The following TRPC6 variants were observed in gnomAD, a reference collection of about 807,000 sequenced individuals.
The protein encoded by TRPC6 is short transient receptor potential channel 6.
TRPC6 carries 55 observed loss-of-function variants against 90.7 expected under a neutral mutation model. The observed-to-expected ratio is 0.61, with a 90% CI of 0.49 to 0.76. TRPC6 has a LOEUF of 0.76. Among genes scored for constraint, TRPC6 ranks in the 30% least tolerant of loss-of-function variants. The pLI is 0.00. For synonymous variants in TRPC6, 393 were observed against 393.0 expected (o/e 1.00, Z 0.00); for missense variants, 989 against 1,122.7 (o/e 0.88, Z 1.70).
intron 4 of TRPC6, among the ~76,000 whole-genome samples, chr11:101,488,119 C>T (rs1859719323): frequency 6.6e-6 from 1 of 152,204 alleles, no homozygotes; most frequent in Non-Finnish European, 1.5e-5. Flanking sequence ...AGGCACTAAG[C>T]TTCAGAATTA....
intron 1 of TRPC6, among the ~76,000 whole-genome samples, chr11:101,555,359 T>C (rs1433273383): frequency 6.6e-6 from 1 of 152,170 alleles, no homozygotes; most frequent in Non-Finnish European, 1.5e-5. Flanking sequence ...GCAATGGACT[T>C]CTATTATTTA....
chr11:101,567,800 CA>C (rs1025235571), intron 1 of TRPC6, among the ~76,000 whole-genome samples: 1 of 152,200 alleles, frequency 6.6e-6, no homozygotes. Flanking sequence ...GTAAAACTAA[CA>C]AACAGAAAGG....
chr11:101,489,864 G>A lies in TRPC6; in HGVS notation c.1129-763C>T, dbSNP rs534289738. 2.6e-5 allele frequency among the ~76,000 whole-genome samples: 4 copies of A among 152,238 alleles called. No individual in the cohort carries two copies. In the South Asian group the frequency reaches 8.3e-4, roughly 32 times the overall value. ...GTGGTTAACCTCAAAGGTAGTTTGA[G>A]AGATAGGTAGAAAAGGAGTTGAGTC... On this transcript the variant is annotated intron_variant, in intron 3 of 12. Transcript: ENST00000344327.
At chr11:101,497,509 C>T (rs10791481) in intron 2 of TRPC6, among the ~76,000 whole-genome samples, 71,122 of 151,712 alleles carry the variant, frequency 0.47, 17,132 homozygotes, top group African/African-American at 0.58. Context: ...AAAACAGACA[C>T]GGCGGGAGTT....
At chr11:101,567,038 G>A (rs1270024897) in intron 1 of TRPC6, among the ~76,000 whole-genome samples, 1 of 146,972 alleles carries the variant, frequency 6.8e-6, no homozygotes, top group Non-Finnish European at 1.5e-5. Flanking sequence ...TCACTCCCCT[G>A]GAAAGGGGGC....
At chr11:101,546,050 C>CTTTTTTTTTTTTTTTATTTTTTTTTT (rs1861296144) in intron 1 of TRPC6, among the ~76,000 whole-genome samples, 1 of 29,694 alleles carries the variant, frequency 3.4e-5, no homozygotes, top group Non-Finnish European at 6.2e-5. Context: ...ATTTATAACT[C>CTTTTTTTTTTTTTTTATTTTTTTTTT]TTTTTTTTTT....
At chr11:101,466,193 C>A (rs1425097383) in intron 10 of TRPC6, among the ~76,000 whole-genome samples, 2 of 152,180 alleles carry the variant, frequency 1.3e-5, no homozygotes, top group Non-Finnish European at 2.9e-5. Context: ...GTCAGGGACC[C>A]ACTTGAAGAG....
intron 1 of TRPC6, among the ~76,000 whole-genome samples, chr11:101,562,180 T>C (rs1040734641): frequency 2.6e-5 from 4 of 152,028 alleles, no homozygotes; most frequent in Non-Finnish European, 4.4e-5. Context: ...TGGATAAACC[T>C]GGTCATAAAA....
At chr11:101,472,070 G>T in intron 8 of TRPC6, 67 bp downstream of exon 8, 2 of 1,466,722 alleles carry the variant, frequency 1.4e-6, no homozygotes, top group Non-Finnish European at 1.9e-6. Flanking sequence ...CATCCCCATT[G>T]CTGAGTTAGC....
chr11:101,513,304 C>G (rs980953435), intron 1 of TRPC6, among the ~76,000 whole-genome samples: 12 of 152,184 alleles, frequency 7.9e-5, no homozygotes, highest in African/African-American at 2.9e-4. Flanking sequence ...TGGTGCTATT[C>G]CACAGTCAGT....
rs576420923 is a variant in TRPC6 at position 101,460,843 on chromosome 11, G to A, written c.2485-5742C>T. ...AGTTGCCTGTATATGTCAACCCCAA[G>A]GGTTGCTATGAATATTTAGGTTTTG... On this transcript the variant is annotated intron_variant, in intron 10 of 12. Coordinates refer to ENST00000344327, the MANE Select transcript of TRPC6 (RefSeq NM_004621.6). 2.6e-5 allele frequency among the ~76,000 whole-genome samples: 4 copies of A among 152,250 alleles called. No individual in the cohort carries two copies. In the East Asian group the frequency reaches 7.7e-4, roughly 29 times the overall value.
chr11:101,473,489 A>G lies in TRPC6; in HGVS notation c.2009+20T>C. On this transcript the variant is annotated intron_variant, in intron 7 of 12. Transcript: ENST00000344327. ...ATTTAATTTGCAATAACTATCATCAAAATATCTGAGATCACATACGTTGTG... is the reference window on the plus strand; with the variant it reads ...ATTTAATTTGCAATAACTATCATCAGAATATCTGAGATCACATACGTTGTG... 1 of 1,612,266 alleles carries G rather than the reference A, an allele frequency of 6.2e-7. No individual in the cohort carries two copies. Among genetic ancestry groups the G allele is most frequent in the Non-Finnish European group, 8.5e-7 (1 of 1,178,864 alleles).
intron 10 of TRPC6, among the ~76,000 whole-genome samples, chr11:101,464,762 C>T (rs1859102824): frequency 1.3e-5 from 2 of 152,074 alleles, no homozygotes; most frequent in African/African-American, 4.8e-5. Context: ...CAGTCTGTGT[C>T]TTTTAATTGG....
At chr11:101,539,185 A>G (rs1298730597) in intron 1 of TRPC6, among the ~76,000 whole-genome samples, 1 of 152,096 alleles carries the variant, frequency 6.6e-6, no homozygotes, top group African/African-American at 2.4e-5. Flanking sequence ...TTTGACTCCA[A>G]CCCTCACTGT....
chr11:101,538,482 G>C (rs1861102265), intron 1 of TRPC6, among the ~76,000 whole-genome samples: 1 of 152,096 alleles, frequency 6.6e-6, no homozygotes, highest in Non-Finnish European at 1.5e-5. Flanking sequence ...TGTGTGGGAG[G>C]CTGAATGGTC....
At chr11:101,570,963 A>G in intron 1 of TRPC6, among the ~76,000 whole-genome samples, 1 of 130,612 alleles carries the variant, frequency 7.7e-6, no homozygotes, top group South Asian at 2.4e-4. Context: ...CTGGCACAAG[A>G]CAAGGATGCC....
At chr11:101,519,646 T>G (rs1860607465) in intron 1 of TRPC6, among the ~76,000 whole-genome samples, 1 of 152,072 alleles carries the variant, frequency 6.6e-6, no homozygotes, top group Non-Finnish European at 1.5e-5. Context: ...TGGGCTTCTT[T>G]CTTTCGTACT....
intron 1 of TRPC6, among the ~76,000 whole-genome samples, chr11:101,525,133 T>C (rs1259267765): frequency 6.6e-6 from 1 of 152,216 alleles, no homozygotes. Context: ...AAATGAAAAG[T>C]ATCAAAGTAC....
At chr11:101,573,320 T>C (rs1004355113) in intron 1 of TRPC6, among the ~76,000 whole-genome samples, 3 of 150,992 alleles carry the variant, frequency 2.0e-5, no homozygotes, top group Non-Finnish European at 4.4e-5. Flanking sequence ...ACAGTAAAGG[T>C]AAAAGCAAAC....
Sources: allele counts gnomAD v4.1 joint callset (sites outside exome capture counted in the v4.1 genomes callset), GRCh38; gene constraint gnomAD v4.1.1; transcripts MANE v1.5; gene names NCBI Gene and HGNC (gene_info 2026-07-23, HGNC 2026-07-21).